IGF2BP2: variants seen among roughly 807,000 people sequenced by gnomAD.
IGF2BP2 encodes insulin-like growth factor 2 mRNA-binding protein 2.
A neutral mutation model predicts 75.8 loss-of-function variants in IGF2BP2; 17 were observed. The observed-to-expected ratio is 0.22, with a 90% CI of 0.15 to 0.34. The LOEUF is 0.34. IGF2BP2 is among the 10% of genes least tolerant of loss of function. IGF2BP2 has a pLI of 1.00. For synonymous variants in IGF2BP2, 288 were observed against 295.6 expected (o/e 0.97, Z 0.26); for missense variants, 516 against 772.4 (o/e 0.67, Z 3.93).
intron 10 of IGF2BP2, among the ~76,000 whole-genome samples, chr3:185,664,205 C>T (rs762992790): frequency 1.3e-5 from 2 of 152,164 alleles, no homozygotes; most frequent in African/African-American, 4.8e-5. Flanking sequence ...ACTCGTGAGC[C>T]AGCAAGAGGT....
In IGF2BP2 at chr3:185,644,687, GAT is replaced by G. The variant is rs1030801473; in HGVS notation, c.*842_*843del. 6.6e-6 allele frequency: 1 copy of G among 151,840 alleles called. No individual in the cohort carries two copies. Among genetic ancestry groups the G allele is most frequent in the African/African-American group, 2.4e-5 (1 of 41,154 alleles). The allele number at this position is 151,840 out of a possible 1,614,324, so 9.4% of individuals were successfully genotyped here. A position where few individuals can be genotyped will look rare whatever the true frequency, so the allele number is the denominator to read the frequency against. Reference sequence around the variant, plus strand: ...AGAAGGGGAGGGGAGGGAGGGGAGAGATAAACAGAGAGAGACAGAGAATTATA... The same window carrying G: ...AGAAGGGGAGGGGAGGGAGGGGAGAGAAACAGAGAGAGACAGAGAATTATA... On this transcript the variant is annotated 3_prime_UTR_variant, in exon 16 of 16. Transcript: ENST00000382199.
In IGF2BP2 at chr3:185,677,754, A is replaced by T. The variant is rs6785903; in HGVS notation, c.813-1841T>A. Among the ~76,000 whole-genome samples, 803 of 152,362 alleles carry T rather than the reference A, an allele frequency of 5.3e-3. 5 individuals are homozygous for T. Among genetic ancestry groups the T allele is most frequent in the African/African-American group, 0.018 (760 of 41,590 alleles). Reference sequence around the variant, plus strand: ...ATGCATGAACAAAATGAGAATATCAACAAAGAGACAGAAACTATAAGAAAG... The same window carrying T: ...ATGCATGAACAAAATGAGAATATCATCAAAGAGACAGAAACTATAAGAAAG... On this transcript the variant is annotated intron_variant, in intron 7 of 15. Coordinates refer to ENST00000382199, the MANE Select transcript of IGF2BP2 (RefSeq NM_006548.6).
chr3:185,706,969 T>G (rs1724110311), intron 2 of IGF2BP2, among the ~76,000 whole-genome samples: 1 of 152,112 alleles, frequency 6.6e-6, no homozygotes, highest in Non-Finnish European at 1.5e-5. Flanking sequence ...CTCAAACTCT[T>G]GGGCTCAAGA....
intron 2 of IGF2BP2, among the ~76,000 whole-genome samples, chr3:185,787,131 A>AG (rs1284553589): frequency 6.6e-6 from 1 of 152,156 alleles, no homozygotes; most frequent in Non-Finnish European, 1.5e-5. Context: ...GGAGGCTGGA[A>AG]GGGGGGCAAT....
chr3:185,737,286 G>A (rs1424458316), intron 2 of IGF2BP2, among the ~76,000 whole-genome samples: 1 of 152,118 alleles, frequency 6.6e-6, no homozygotes, highest in Non-Finnish European at 1.5e-5. Flanking sequence ...TCTTTCTGGA[G>A]CTGATGTACA....
intron 2 of IGF2BP2, among the ~76,000 whole-genome samples, chr3:185,795,974 T>C (rs1737319961): frequency 6.6e-6 from 1 of 152,072 alleles, no homozygotes; most frequent in Non-Finnish European, 1.5e-5. Context: ...TATGAAAAAA[T>C]TTTTAGAGAT....
At chr3:185,815,784 T>C (rs1425000462) in intron 2 of IGF2BP2, among the ~76,000 whole-genome samples, 2 of 151,954 alleles carry the variant, frequency 1.3e-5, no homozygotes, top group African/African-American at 4.8e-5. Flanking sequence ...CCATAAACAG[T>C]CCATAAGAGT....
intron 2 of IGF2BP2, among the ~76,000 whole-genome samples, chr3:185,778,640 C>T (rs377492610): frequency 6.8e-4 from 103 of 152,310 alleles, no homozygotes; most frequent in African/African-American, 2.4e-3. Context: ...GAACTAGACT[C>T]GGAATCTGGA....
At position 185,680,067 on chromosome 3, in the gene IGF2BP2, G is replaced by A. The variant is rs575799364; in HGVS notation, c.813-4154C>T. ...AACCAAACTGACAAATCCTTAGCTAGATTAAGAAAAAAAAAGAACATTCAA... is the reference window on the plus strand; with the variant it reads ...AACCAAACTGACAAATCCTTAGCTAAATTAAGAAAAAAAAAGAACATTCAA... On this transcript the variant is annotated intron_variant, in intron 7 of 15. Coordinates refer to ENST00000382199, the MANE Select transcript of IGF2BP2 (RefSeq NM_006548.6). Among the ~76,000 whole-genome samples the A allele has an allele frequency of 2.6e-5, 4 of 151,500 alleles. No homozygotes were observed. The East Asian group carries it at 5.8e-4, about 22-fold the overall frequency.
chr3:185,662,254 G>C (rs1716570924), intron 10 of IGF2BP2, among the ~76,000 whole-genome samples: 1 of 152,072 alleles, frequency 6.6e-6, no homozygotes, highest in African/African-American at 2.4e-5. Context: ...GAGGTAGGCA[G>C]ATCGCTTGAG....
At chr3:185,781,209 TA>T (rs150800838) in intron 2 of IGF2BP2, among the ~76,000 whole-genome samples, 1 of 152,128 alleles carries the variant, frequency 6.6e-6, no homozygotes, top group Non-Finnish European at 1.5e-5. Context: ...TCTGCATTTT[TA>T]AAAAAATTGT....
intron 2 of IGF2BP2, among the ~76,000 whole-genome samples, chr3:185,784,267 T>C (rs28639861): frequency 0.028 from 4,187 of 151,706 alleles, 98 homozygotes; most frequent in South Asian, 0.059. Flanking sequence ...GATAGATAGA[T>C]AGACAGACAG....
chr3:185,805,815 A>T (rs2149976956), intron 2 of IGF2BP2, among the ~76,000 whole-genome samples: 1 of 144,770 alleles, frequency 6.9e-6, no homozygotes, highest in Non-Finnish European at 1.5e-5. Context: ...CTTGTCACCC[A>T]GGCTGGAGTG....
At chr3:185,795,526 A>G (rs755418904) in intron 2 of IGF2BP2, among the ~76,000 whole-genome samples, 1 of 152,196 alleles carries the variant, frequency 6.6e-6, no homozygotes, top group Admixed American at 6.5e-5. Context: ...TATCAGTGCT[A>G]TTTTCAAATG....
intron 2 of IGF2BP2, among the ~76,000 whole-genome samples, chr3:185,811,877 T>TCTCTCTCTCTCC (rs1553897483): frequency 4.2e-5 from 2 of 48,032 alleles, no homozygotes; most frequent in Non-Finnish European, 6.8e-5. Flanking sequence ...TCTCTCTCTC[T>TCTCTCTCTCTCC]CCCCCTCTCC....
At chr3:185,652,472 G>A (rs1189013663) in intron 12 of IGF2BP2, among the ~76,000 whole-genome samples, 1 of 152,200 alleles carries the variant, frequency 6.6e-6, no homozygotes, top group Non-Finnish European at 1.5e-5. Context: ...CAAGTTTTAG[G>A]AAATAACCAG....
At chr3:185,725,800 C>T (rs1727240601) in intron 2 of IGF2BP2, among the ~76,000 whole-genome samples, 1 of 151,994 alleles carries the variant, frequency 6.6e-6, no homozygotes, top group African/African-American at 2.4e-5. Flanking sequence ...ATTGAGACCC[C>T]AATCTCTATA....
At chr3:185,688,801 C>T (rs936348606) in intron 6 of IGF2BP2, among the ~76,000 whole-genome samples, 8 of 152,182 alleles carry the variant, frequency 5.3e-5, no homozygotes, top group African/African-American at 1.9e-4. Context: ...ATGCTACAGT[C>T]TTAGGAAGAT....
At position 185,799,524 on chromosome 3, in the gene IGF2BP2, G is replaced by A. The variant is rs566625779; in HGVS notation, c.239+23629C>T. On this transcript the variant is annotated intron_variant, in intron 2 of 15. Coordinates refer to ENST00000382199, the MANE Select transcript of IGF2BP2 (RefSeq NM_006548.6). ...AGCACTTTGGGAGGCCGAGGCGGGCGGATCACGAGGTCAGGAGACCGAGAC... is the reference window on the plus strand; with the variant it reads ...AGCACTTTGGGAGGCCGAGGCGGGCAGATCACGAGGTCAGGAGACCGAGAC... Among the ~76,000 whole-genome samples, 7 of 152,230 alleles carry A rather than the reference G, an allele frequency of 4.6e-5. No homozygotes were observed. The East Asian group carries it at 7.7e-4, about 17-fold the overall frequency.
Sources: allele counts gnomAD v4.1 joint callset (sites outside exome capture counted in the v4.1 genomes callset), GRCh38; gene constraint gnomAD v4.1.1; transcripts MANE v1.5; gene names NCBI Gene and HGNC (gene_info 2026-07-23, HGNC 2026-07-21).